The following GRM8 variants were observed in gnomAD, a reference collection of about 807,000 sequenced individuals.
GRM8 encodes the protein glutamate metabotropic receptor 8.
A neutral mutation model predicts 87.2 loss-of-function variants in GRM8; 47 were observed. The observed-to-expected ratio is 0.54, with a 90% CI of 0.43 to 0.69. GRM8 has a LOEUF of 0.69. Among genes scored for constraint, GRM8 ranks in the 30% least tolerant of loss-of-function variants. GRM8 has a pLI of 0.00. For synonymous variants in GRM8, 396 were observed against 404.5 expected (o/e 0.98, Z 0.25); for missense variants, 1,019 against 1,139.2 (o/e 0.89, Z 1.52).
chr7:127,112,364 C>T (rs1826422505), intron 2 of GRM8: 1 of 152,240 alleles, frequency 6.6e-6, no homozygotes, highest in Admixed American at 6.5e-5. Context: ...TATTTCCTTC[C>T]TCTTTCACCA....
At chr7:127,036,731 T>G (rs924713651) in intron 3 of GRM8, among the ~76,000 whole-genome samples, 2 of 152,064 alleles carry the variant, frequency 1.3e-5, no homozygotes, top group East Asian at 1.9e-4. Context: ...CCGCACAGAG[T>G]GCCCTTCATT....
intron 7 of GRM8, among the ~76,000 whole-genome samples, chr7:126,716,779 C>T (rs1424616306): frequency 6.6e-6 from 1 of 151,822 alleles, no homozygotes; most frequent in Non-Finnish European, 1.5e-5. Flanking sequence ...AATAAATTAT[C>T]GGTGAGGAGA....
Position 127,242,848 on chromosome 7 carries a change from G to A in GRM8, c.357C>T (p.Phe119=), listed in dbSNP as rs769200. The A allele has an allele frequency of 3.2e-3, 5,096 of 1,614,076 alleles. 83 individuals carry two copies. The African/African-American group carries it at 0.043, about 14-fold the overall frequency. The change falls in exon 2 of 11, where the codon TTC becomes TTT. Residue 119 remains phenylalanine (F), a synonymous_variant. Transcript: ENST00000339582. ...CATCTTTCTCTATTAATGCCTGCAC[G>A]AATGTTAGAGACTGCTCCAAAGCAT... The part of the protein sequence containing the change: ...DTYALEQSLT[F]VQALIEKDAS...
intron 6 of GRM8, among the ~76,000 whole-genome samples, chr7:126,790,867 T>C (rs911716725): frequency 1.3e-5 from 2 of 152,116 alleles, no homozygotes; most frequent in Non-Finnish European, 2.9e-5. Flanking sequence ...GGGCTCTGGG[T>C]AGGATGACTT....
intron 7 of GRM8, among the ~76,000 whole-genome samples, chr7:126,660,880 C>G (rs757274964): frequency 1.6e-4 from 24 of 150,368 alleles, no homozygotes; most frequent in Admixed American, 9.3e-4. Context: ...TCACACCAAT[C>G]ACTTCCTAGT....
At chr7:127,076,241 G>C (rs1390111698) in intron 3 of GRM8, 1 of 455,114 alleles carries the variant, frequency 2.2e-6, no homozygotes, top group African/African-American at 2.0e-5. Context: ...GATAACCTGA[G>C]GACAAGGAAA....
At chr7:126,932,279 A>T (rs1805844924) in intron 3 of GRM8, among the ~76,000 whole-genome samples, 1 of 152,204 alleles carries the variant, frequency 6.6e-6, no homozygotes, top group African/African-American at 2.4e-5. Flanking sequence ...AAGTGTGTAA[A>T]GGCTAATACT....
At chr7:126,601,857 G>A (rs1308525927) in intron 8 of GRM8, among the ~76,000 whole-genome samples, 1 of 140,120 alleles carries the variant, frequency 7.1e-6, no homozygotes, top group Non-Finnish European at 1.6e-5. Flanking sequence ...AGTAGGTTGT[G>A]AAAATTTTCT....
chr7:127,172,495 A>G (rs1258751492), intron 2 of GRM8, among the ~76,000 whole-genome samples: 1 of 152,074 alleles, frequency 6.6e-6, no homozygotes, highest in African/African-American at 2.4e-5. Flanking sequence ...ATTTGAGGTC[A>G]GGAGTTCAAG....
At chr7:127,249,634 C>A (rs1253121562) in intron 1 of GRM8, among the ~76,000 whole-genome samples, 2 of 151,886 alleles carry the variant, frequency 1.3e-5, no homozygotes, top group Admixed American at 1.3e-4. Context: ...TGTCAAATTA[C>A]CAAGTAGAAA....
At chr7:127,114,302 C>G (rs1171465875) in intron 2 of GRM8, among the ~76,000 whole-genome samples, 2 of 152,066 alleles carry the variant, frequency 1.3e-5, no homozygotes, top group Non-Finnish European at 2.9e-5. Context: ...GGAGAGGAAG[C>G]CTATTGAAAT....
In GRM8 at chr7:126,533,139, G is replaced by T; in HGVS notation, c.2243C>A (p.Ser748Ter). The change falls in exon 9 of 11, where the codon TCA becomes TAA. Residue 748 changes from serine (S) to a stop codon, truncating the protein, a stop_gained. Transcript: ENST00000339582. LOFTEE classifies it high-confidence loss of function. ...GVLKCDISDL[S>*]LICSLGYSIL... ...ACTGTATCCAAGTGAACAAATGAGTGAGAGATCAGAAATGTCACACTTGAG... is the reference window on the plus strand; with the variant it reads ...ACTGTATCCAAGTGAACAAATGAGTTAGAGATCAGAAATGTCACACTTGAG... The T allele has an allele frequency of 6.2e-7, 1 of 1,613,244 alleles. No individual in the cohort carries two copies. The highest frequency in any genetic ancestry group is 8.5e-7 in the Non-Finnish European group (1 of 1,179,826).
At chr7:126,809,948 C>T (rs1265752949) in intron 6 of GRM8, among the ~76,000 whole-genome samples, 4 of 152,128 alleles carry the variant, frequency 2.6e-5, no homozygotes, top group South Asian at 2.1e-4. Context: ...GACAACAAAG[C>T]CTGTAAGAGG....
intron 3 of GRM8, among the ~76,000 whole-genome samples, chr7:126,955,064 T>C (rs1808536292): frequency 6.6e-6 from 1 of 152,082 alleles, no homozygotes; most frequent in Admixed American, 6.6e-5. Context: ...TTCATTTCAA[T>C]TCAGAATAAA....
chr7:126,904,931 A>G (rs1586400580), intron 3 of GRM8, among the ~76,000 whole-genome samples: 1 of 152,324 alleles, frequency 6.6e-6, no homozygotes, highest in Middle Eastern at 3.4e-3. Flanking sequence ...GGATATAGCT[A>G]AGAAAACCAA....
intron 3 of GRM8, among the ~76,000 whole-genome samples, chr7:127,014,086 A>G (rs1815160636): frequency 6.6e-6 from 1 of 152,176 alleles, no homozygotes; most frequent in Non-Finnish European, 1.5e-5. Context: ...ATAATCAGAC[A>G]AGGCACCATC....
At chr7:126,462,334 A>G (rs1584692756) in intron 9 of GRM8, among the ~76,000 whole-genome samples, 1 of 151,622 alleles carries the variant, frequency 6.6e-6, no homozygotes, top group East Asian at 1.9e-4. Flanking sequence ...TTAATTAAAT[A>G]TTTTATATTC....
At chr7:127,035,848 A>G (rs953406667) in intron 3 of GRM8, among the ~76,000 whole-genome samples, 2 of 151,642 alleles carry the variant, frequency 1.3e-5, no homozygotes, top group Non-Finnish European at 2.9e-5. Context: ...GGCTTTTTTC[A>G]CTCTGTTCTC....
chr7:126,962,298 C>A (rs895080211), intron 3 of GRM8, among the ~76,000 whole-genome samples: 2 of 152,214 alleles, frequency 1.3e-5, no homozygotes, highest in African/African-American at 4.8e-5. Context: ...AGTAGAGACA[C>A]TATTCAGACC....
Sources: gnomAD v4.1 joint callset for allele counts (sites outside exome capture counted in the v4.1 genomes callset) on GRCh38, gnomAD v4.1.1 for gene constraint, MANE v1.5 for transcripts, NCBI Gene and HGNC (gene_info 2026-07-23, HGNC 2026-07-21) for gene names.